The following EYA2 variants were observed in gnomAD, a reference collection of about 807,000 sequenced individuals.
EYA2 encodes the protein protein phosphatase EYA2.
In EYA2, 31 loss-of-function variants were observed where a neutral mutation model predicts 69.2. That is an observed-to-expected ratio of 0.45 (90% CI 0.34 to 0.60). The LOEUF is 0.60. EYA2 is among the 20% of genes least tolerant of loss of function. The pLI, the probability that EYA2 is intolerant of heterozygous loss-of-function variation, is 0.02. For missense variants in EYA2, 622 were observed against 701.2 expected (o/e 0.89, Z 1.28); for synonymous variants, 257 against 279.4 (o/e 0.92, Z 0.80).
rs114535045 is a variant in EYA2 at position 46,981,811 on chromosome 20, G to T, written c.-10-8190G>T. Reference sequence around the variant, plus strand: ...TGGTATGTCTTTATATTTAAAAGGGGTCTCTTGTAATAAGCATGTAGTTAG... The same window carrying T: ...TGGTATGTCTTTATATTTAAAAGGGTTCTCTTGTAATAAGCATGTAGTTAG... On this transcript the variant is annotated intron_variant, in intron 1 of 15. Coordinates refer to ENST00000327619, the MANE Select transcript of EYA2 (RefSeq NM_005244.5). Among the ~76,000 whole-genome samples the T allele has an allele frequency of 9.5e-3, 1,445 of 152,116 alleles. 27 individuals are homozygous for T. The highest frequency in any genetic ancestry group is 0.033 in the African/African-American group (1,365 of 41,480).
rs996465899 is a variant in EYA2, at chr20:47,076,726, G to C, written c.661+2391G>C. On this transcript the variant is annotated intron_variant, in intron 7 of 15. Transcript: ENST00000327619. ...GTACAGGGGTTTAGAGCTAGGTCCA[G>C]GTGTTCCAATGACAATGTTGAGACT... Among the ~76,000 whole-genome samples, 4 of 152,160 alleles carry C rather than the reference G, an allele frequency of 2.6e-5. No homozygotes were observed. The East Asian group carries it at 5.8e-4, about 22-fold the overall frequency.
At chr20:47,004,478 A>G (rs1302568492) in intron 3 of EYA2, among the ~76,000 whole-genome samples, 2 of 47,658 alleles carry the variant, frequency 4.2e-5, no homozygotes, top group East Asian at 4.9e-4. Context: ...TCACACAACA[A>G]AGGTTTGTTT....
intron 1 of EYA2, among the ~76,000 whole-genome samples, chr20:46,969,768 A>G (rs1005135677): frequency 3.3e-5 from 5 of 152,186 alleles, no homozygotes; most frequent in Non-Finnish European, 5.9e-5. Flanking sequence ...TTTTCTTAGC[A>G]GGTTCTGGCT....
chr20:47,012,117 G>C (rs1304593821), intron 4 of EYA2, among the ~76,000 whole-genome samples: 2 of 152,236 alleles, frequency 1.3e-5, no homozygotes, highest in Non-Finnish European at 2.9e-5. Context: ...TGAGCTAATA[G>C]TTGTGAATGA....
intron 9 of EYA2, among the ~76,000 whole-genome samples, chr20:47,114,879 T>C (rs2032848087): frequency 6.6e-6 from 1 of 152,132 alleles, no homozygotes; most frequent in South Asian, 2.1e-4. Context: ...GCTCCTGCTT[T>C]TGCCAGGTGA....
chr20:47,001,575 A>G (rs1982376041), intron 3 of EYA2, 102 bp downstream of exon 3: 2 of 1,223,022 alleles, frequency 1.6e-6, no homozygotes, highest in East Asian at 2.3e-5. Flanking sequence ...TTCCCTGGAT[A>G]GGAATCCCAG....
chr20:46,999,033 G>T (rs1262127022), intron 2 of EYA2, among the ~76,000 whole-genome samples: 3 of 152,164 alleles, frequency 2.0e-5, no homozygotes, highest in African/African-American at 7.2e-5. Flanking sequence ...CTGGGTGGAA[G>T]CTTGAAAAGG....
At chr20:46,990,443 G>A (rs1485545845) in intron 2 of EYA2, among the ~76,000 whole-genome samples, 1 of 152,172 alleles carries the variant, frequency 6.6e-6, no homozygotes, top group Non-Finnish European at 1.5e-5. Context: ...GTTTTGCAGT[G>A]TCTGTTTCTG....
At chr20:46,969,221 T>G (rs1979980305) in intron 1 of EYA2, among the ~76,000 whole-genome samples, 1 of 151,280 alleles carries the variant, frequency 6.6e-6, no homozygotes, top group Non-Finnish European at 1.5e-5. Context: ...TGTTTTTGGT[T>G]TTTTTTTTGT....
intron 1 of EYA2, among the ~76,000 whole-genome samples, chr20:46,967,715 G>C (rs1979874683): frequency 6.6e-6 from 1 of 152,172 alleles, no homozygotes; most frequent in Admixed American, 6.5e-5. Context: ...GTTAGCAGGA[G>C]CCAGGCCATG....
At chr20:46,938,762 C>G (rs1986025938) in intron 1 of EYA2, among the ~76,000 whole-genome samples, 2 of 152,092 alleles carry the variant, frequency 1.3e-5, no homozygotes, top group Non-Finnish European at 2.9e-5. Context: ...TTCTATTGGT[C>G]ACACAGACCA....
At chr20:46,997,855 C>T (rs1007630665) in intron 2 of EYA2, 1 of 152,286 alleles carries the variant, frequency 6.6e-6, no homozygotes, top group South Asian at 2.1e-4. Context: ...CCTTCATCAC[C>T]CTAGAGATGC....
At chr20:46,899,058 G>A (rs1272216739) in intron 1 of EYA2, among the ~76,000 whole-genome samples, 1 of 152,128 alleles carries the variant, frequency 6.6e-6, no homozygotes, top group Non-Finnish European at 1.5e-5. Flanking sequence ...GTGGATTCTT[G>A]CCGCAACCCC....
intron 13 of EYA2, among the ~76,000 whole-genome samples, chr20:47,180,386 C>T (rs1244066152): frequency 6.6e-6 from 1 of 152,168 alleles, no homozygotes; most frequent in Non-Finnish European, 1.5e-5. Context: ...TGGAGCATAG[C>T]TGAGCTAATA....
chr20:47,011,590 T>G (rs6090601), intron 4 of EYA2, among the ~76,000 whole-genome samples: 78,615 of 151,852 alleles, frequency 0.52, 21,273 homozygotes, highest in Non-Finnish European at 0.6. Flanking sequence ...TCCTGCCTGA[T>G]GACCTTTGCA....
At chr20:47,019,436 C>CAGA (rs1390995524) in intron 5 of EYA2, among the ~76,000 whole-genome samples, 28 of 152,148 alleles carry the variant, frequency 1.8e-4, no homozygotes, top group Admixed American at 1.8e-3. Context: ...CACAAACACA[C>CAGA]AGAACGCTCA....
At chr20:47,068,788 C>T (rs1165320884) in intron 5 of EYA2, among the ~76,000 whole-genome samples, 1 of 152,130 alleles carries the variant, frequency 6.6e-6, no homozygotes, top group Non-Finnish European at 1.5e-5. Context: ...AGTAAGTTTC[C>T]TGGAGTCCAT....
chr20:46,992,369 T>C (rs1981734608), intron 2 of EYA2, among the ~76,000 whole-genome samples: 2 of 152,234 alleles, frequency 1.3e-5, no homozygotes, highest in African/African-American at 4.8e-5. Context: ...ACCTAGATAG[T>C]CTGACTTCAG....
chr20:47,136,238 T>C (rs897135899), intron 9 of EYA2, among the ~76,000 whole-genome samples: 1 of 152,224 alleles, frequency 6.6e-6, no homozygotes, highest in African/African-American at 2.4e-5. Flanking sequence ...AGACACTTGA[T>C]AGAAAACAAC....
Sources: gnomAD v4.1 joint callset for allele counts (sites outside exome capture counted in the v4.1 genomes callset) on GRCh38, gnomAD v4.1.1 for gene constraint, MANE v1.5 for transcripts, NCBI Gene and HGNC (gene_info 2026-07-23, HGNC 2026-07-21) for gene names.